DAB1: variants seen among roughly 807,000 people sequenced by gnomAD.
DAB1 encodes the protein DAB adaptor protein 1.
A neutral mutation model predicts 64.6 loss-of-function variants in DAB1; 15 were observed. That is an observed-to-expected ratio of 0.23 (90% CI 0.16 to 0.36). The LOEUF (loss-of-function observed/expected upper bound fraction) is 0.36, where lower values mean the gene tolerates loss of function less well. DAB1 is among the 10% of genes least tolerant of loss of function. The pLI is 1.00. For synonymous variants in DAB1, 235 were observed against 251.9 expected (o/e 0.93, Z 0.64); for missense variants, 596 against 706.7 (o/e 0.84, Z 1.78).
At chr1:57,053,688 A>ATATATATT (rs1447741565) in intron 9 of DAB1, among the ~76,000 whole-genome samples, 973 of 71,394 alleles carry the variant, frequency 0.014, 24 homozygotes, top group East Asian at 0.049. Flanking sequence ...ATATATATAT[A>ATATATATT]TTTTTTTTTT....
At chr1:58,448,878 G>A (rs1475748056) in intron 3 of DAB1, among the ~76,000 whole-genome samples, 3 of 152,232 alleles carry the variant, frequency 2.0e-5, no homozygotes, top group Admixed American at 2.0e-4. Context: ...GAATGTGGGA[G>A]TAGGGCGGAT....
chr1:57,027,185 G>T (rs1195886917), intron 9 of DAB1, among the ~76,000 whole-genome samples: 1 of 152,158 alleles, frequency 6.6e-6, no homozygotes, highest in Non-Finnish European at 1.5e-5. Flanking sequence ...TTGGGCTCTG[G>T]AAAAGGTCCC....
intron 4 of DAB1, among the ~76,000 whole-genome samples, chr1:57,087,496 T>C (rs1198140486): frequency 1.3e-5 from 2 of 152,100 alleles, no homozygotes; most frequent in African/African-American, 4.8e-5. Context: ...CTCCAGAAAA[T>C]TCTGAAGGGT....
chr1:57,393,708 G>A (rs11803514), intron 1 of DAB1, among the ~76,000 whole-genome samples: 56,425 of 151,688 alleles, frequency 0.37, 10,907 homozygotes, highest in Non-Finnish European at 0.43. Context: ...AACTACCACC[G>A]GTGGGCCAAA....
chr1:57,170,116 C>G (rs1175118343), intron 2 of DAB1, among the ~76,000 whole-genome samples: 1 of 151,998 alleles, frequency 6.6e-6, no homozygotes, highest in Non-Finnish European at 1.5e-5. Flanking sequence ...CCTGCTTCAG[C>G]CTCCTGAGTA....
intron 6 of DAB1, among the ~76,000 whole-genome samples, chr1:57,715,471 T>C (rs1218504888): frequency 6.6e-6 from 1 of 152,160 alleles, no homozygotes; most frequent in African/African-American, 2.4e-5. Context: ...TAAATTTCCA[T>C]ACAAATTGGG....
chr1:57,176,214 C>T (rs889674676), intron 2 of DAB1, among the ~76,000 whole-genome samples: 3 of 152,024 alleles, frequency 2.0e-5, no homozygotes, highest in African/African-American at 7.2e-5. Flanking sequence ...TGTATTAGTC[C>T]GTTTTCATGC....
chr1:57,170,386 T>C (rs1461142881), intron 2 of DAB1, among the ~76,000 whole-genome samples: 1 of 152,154 alleles, frequency 6.6e-6, no homozygotes, highest in Non-Finnish European at 1.5e-5. Flanking sequence ...TTACATACTT[T>C]GCAAAGTGTT....
intron 7 of DAB1, among the ~76,000 whole-genome samples, chr1:57,580,316 T>C (rs1645298246): frequency 1.3e-5 from 2 of 152,138 alleles, no homozygotes; most frequent in South Asian, 4.1e-4. Flanking sequence ...ATTCTGCTTG[T>C]ACATCTCCGG....
chr1:58,538,649 TG>T (rs1291770559), intron 1 of DAB1: 2 of 486,820 alleles, frequency 4.1e-6, no homozygotes, highest in South Asian at 4.4e-5. Context: ...TTGAGCTAAA[TG>T]GGGGGAGACA....
intron 1 of DAB1, among the ~76,000 whole-genome samples, chr1:57,329,408 G>A (rs1414658236): frequency 2.6e-5 from 4 of 152,074 alleles, no homozygotes; most frequent in South Asian, 2.1e-4. Context: ...TGCTTTTATT[G>A]GCCATTACTC....
intron 7 of DAB1, among the ~76,000 whole-genome samples, chr1:57,469,066 T>A (rs1376439682): frequency 1.3e-5 from 2 of 152,212 alleles, no homozygotes; most frequent in East Asian, 3.9e-4. Flanking sequence ...GCAAATTCTT[T>A]AAGCTTGTGT....
chr1:57,423,164 A>C (rs1685059395), intron 1 of DAB1, among the ~76,000 whole-genome samples: 2 of 149,528 alleles, frequency 1.3e-5, no homozygotes, highest in Non-Finnish European at 3.0e-5. Context: ...AGAAAAAAAA[A>C]CTGAGCTCTC....
intron 7 of DAB1, among the ~76,000 whole-genome samples, chr1:57,575,964 T>C (rs1645244874): frequency 6.6e-6 from 1 of 152,168 alleles, no homozygotes; most frequent in South Asian, 2.1e-4. Flanking sequence ...TAACCCCTAG[T>C]ACTTCAGAAT....
chr1:57,477,263 C>CA (rs904879443), intron 7 of DAB1, among the ~76,000 whole-genome samples: 3 of 152,164 alleles, frequency 2.0e-5, no homozygotes, highest in Non-Finnish European at 2.9e-5. Flanking sequence ...CACAATTTGG[C>CA]ATGTGTGCAC....
At chr1:57,657,164 C>A (rs562230353) in intron 6 of DAB1, among the ~76,000 whole-genome samples, 88 of 152,276 alleles carry the variant, frequency 5.8e-4, no homozygotes, top group African/African-American at 2.0e-3. Context: ...AATTCTGGCC[C>A]TACCACTTAA....
At chr1:58,467,640 C>A (rs1645309716) in intron 3 of DAB1, among the ~76,000 whole-genome samples, 1 of 152,180 alleles carries the variant, frequency 6.6e-6, no homozygotes, top group Non-Finnish European at 1.5e-5. Context: ...GACTCAACTG[C>A]TGGCATGTGA....
At chr1:58,436,297 T>G (rs1454913438) in intron 3 of DAB1, among the ~76,000 whole-genome samples, 1 of 150,014 alleles carries the variant, frequency 6.7e-6, no homozygotes, top group Non-Finnish European at 1.5e-5. Context: ...TATTAGCTAG[T>G]TGTACCTAGA....
At chr1:57,339,921 G>A (rs140336188) in intron 1 of DAB1, among the ~76,000 whole-genome samples, 19 of 152,232 alleles carry the variant, frequency 1.2e-4, no homozygotes, top group South Asian at 6.2e-4. Flanking sequence ...TCAAGTCATC[G>A]CCAGGGAGGT....
Sources: allele counts gnomAD v4.1 joint callset (sites outside exome capture counted in the v4.1 genomes callset), GRCh38; gene constraint gnomAD v4.1.1; transcripts MANE v1.5; gene names NCBI Gene and HGNC (gene_info 2026-07-23, HGNC 2026-07-21).